CTBS: variants seen among roughly 807,000 people sequenced by gnomAD.
CTBS encodes chitobiase.
A neutral mutation model predicts 44.3 loss-of-function variants in CTBS; 35 were observed. That is an observed-to-expected ratio of 0.79 (90% CI 0.60 to 1.05). CTBS has a LOEUF of 1.05. CTBS is among the 50% of genes least tolerant of loss of function. The probability of loss-of-function intolerance (pLI) is 0.00; values close to 1 mark genes in which losing one functional copy is unlikely to be tolerated. For missense variants in CTBS, 458 were observed against 475.3 expected (o/e 0.96, Z 0.34); for synonymous variants, 143 against 168.0 (o/e 0.85, Z 1.15).
At chr1:84,563,931 G>C in intron 4 of CTBS, 99 bp from the exon 5 acceptor site, 1 of 1,331,832 alleles carries the variant, frequency 7.5e-7, no homozygotes, top group Non-Finnish European at 9.8e-7. Flanking sequence ...GTAAAAACAA[G>C]TACATTTATA....
chr1:84,565,608 A>T (rs1417156526), intron 4 of CTBS, among the ~76,000 whole-genome samples: 1 of 152,208 alleles, frequency 6.6e-6, no homozygotes, highest in Non-Finnish European at 1.5e-5. Context: ...TTTTTATCTC[A>T]TCTAGAAATA....
rs1391365748 is a variant in CTBS, at chr1:84,551,902, T to C, written c.*3097A>G. 6.6e-6 allele frequency: 1 copy of C among 152,174 alleles called. No individual in the cohort carries two copies. The highest frequency in any genetic ancestry group is 2.4e-5 in the African/African-American group (1 of 41,446). 9.4% of individuals were successfully genotyped at this position (152,174 alleles called of 1,614,324 possible). Reference sequence around the variant, plus strand: ...GATTATGACTCCCCTCATGCTGTTTTCTTCTGGAAAGCATGCACATTACTT... The same window carrying C: ...GATTATGACTCCCCTCATGCTGTTTCCTTCTGGAAAGCATGCACATTACTT... On this transcript the variant is annotated 3_prime_UTR_variant, in exon 7 of 7. Coordinates refer to ENST00000370630, the MANE Select transcript of CTBS (RefSeq NM_004388.3).
In CTBS at chr1:84,565,845, T is replaced by C. The variant is rs1285120454; in HGVS notation, c.693A>G (p.Leu231=). Residue 231 remains leucine (L), a synonymous_variant, in exon 4 of 7, where the codon TTA becomes TTG. Coordinates refer to ENST00000370630, the MANE Select transcript of CTBS (RefSeq NM_004388.3). ...TGACCATGTTTAGAGTCTTACCAGT[T>C]AATGTCTGATTATAGGGAGCATTGG... The part of the protein sequence containing the change: ...AAANAPYNQT[L]TGYNDYIKMS... The C allele has an allele frequency of 1.5e-5, 23 of 1,525,838 alleles. No homozygotes were observed. In the East Asian group the frequency reaches 5.9e-4, roughly 39 times the overall value. 94.5% of individuals were successfully genotyped at this position (1,525,838 alleles called of 1,614,324 possible).
At chr1:84,565,256 T>A (rs988316064) in intron 4 of CTBS, among the ~76,000 whole-genome samples, 1 of 151,666 alleles carries the variant, frequency 6.6e-6, no homozygotes, top group African/African-American at 2.4e-5. Flanking sequence ...TTTAGTTGAC[T>A]GATGGAATAC....
chr1:84,553,247 T>C lies in CTBS; in HGVS notation c.*1752A>G, dbSNP rs888179396. ...GCACAAGGTTTCTCTTTCTCCACTT[T>C]CCATGTGGGTATTACAAAATGTTTC... On this transcript the variant is annotated 3_prime_UTR_variant, in exon 7 of 7. Transcript: ENST00000370630. 7.1e-6 allele frequency: 4 copies of C among 563,242 alleles called. No individual in the cohort carries two copies. The African/African-American group carries it at 7.8e-5, about 11-fold the overall frequency. The allele number at this position is 563,242 out of a possible 1,614,324, so 34.9% of individuals were successfully genotyped here.
chr1:84,568,446 T>A (rs1366571686), intron 3 of CTBS, among the ~76,000 whole-genome samples: 5 of 152,216 alleles, frequency 3.3e-5, no homozygotes, highest in Admixed American at 6.5e-5. Context: ...CCTATTTGCA[T>A]AAAACCACAG....
intron 3 of CTBS, 50 bp from the exon 4 acceptor site, chr1:84,566,062 T>C: frequency 1.7e-6 from 2 of 1,168,064 alleles, no homozygotes. Context: ...CGTGTGCATA[T>C]TACGTCAGAT....
At chr1:84,572,540 A>G (rs1647343563) in intron 1 of CTBS, among the ~76,000 whole-genome samples, 1 of 152,150 alleles carries the variant, frequency 6.6e-6, no homozygotes, top group Non-Finnish European at 1.5e-5. Flanking sequence ...AGTAGAGAAA[A>G]AGACCATTTA....
chr1:84,550,305 T>C lies in CTBS; in HGVS notation c.*4694A>G. 1 of 455,426 alleles carries C rather than the reference T, an allele frequency of 2.2e-6. No individual in the cohort carries two copies. Among genetic ancestry groups the C allele is most frequent in the Admixed American group, 4.4e-5 (1 of 22,650 alleles). The allele number at this position is 455,426 out of a possible 1,614,324, so 28.2% of individuals were successfully genotyped here. ...TTCTCCAAAGCAATTTAGTTTACTTTACGGAATAGGTTATTTTCATGATTT... is the reference window on the plus strand; with the variant it reads ...TTCTCCAAAGCAATTTAGTTTACTTCACGGAATAGGTTATTTTCATGATTT... On this transcript the variant is annotated 3_prime_UTR_variant, in exon 7 of 7. Transcript: ENST00000370630.
At position 84,563,402 on chromosome 1, in the gene CTBS, A is replaced by G. The variant is rs143993403; in HGVS notation, c.812T>C (p.Ile271Thr). Residue 271 changes from isoleucine to threonine, a missense_variant, in exon 6 of 7, where the codon ATT becomes ACT. Physicochemically the swap from Ile to Thr is moderately conservative, Grantham distance 89. Transcript: ENST00000370630. ...AGCCCCCCGGAAAGGGACTTTTGCA[A>G]TGGTACAAACATGATCCTAGAAATG... ...LNLSEDHVCTIAKVPFRGAPC... is the reference protein window; with the variant it reads ...LNLSEDHVCTTAKVPFRGAPC... The G allele has an allele frequency of 3.5e-3, 5,435 of 1,571,834 alleles. 24 individuals carry two copies. Among genetic ancestry groups the G allele is most frequent in the Non-Finnish European group, 3.0e-3 (3,439 of 1,162,002 alleles).
At position 84,552,197 on chromosome 1, in the gene CTBS, A is replaced by C. The variant is rs1684294280; in HGVS notation, c.*2802T>G. On this transcript the variant is annotated 3_prime_UTR_variant, in exon 7 of 7. Transcript: ENST00000370630. The stretch of plus-strand genomic sequence containing the variant: ...AGATTCAGAACTAAGGGACAAAAAA[A>C]ACCCAGCCTGAGTCTCTTGCAACCA... 1 of 152,188 alleles carries C rather than the reference A, an allele frequency of 6.6e-6. No homozygotes were observed. Among genetic ancestry groups the C allele is most frequent in the Admixed American group, 6.5e-5 (1 of 15,272 alleles). 9.4% of individuals were successfully genotyped at this position (152,188 alleles called of 1,614,324 possible). A position where few individuals can be genotyped will look rare whatever the true frequency, so the allele number is the denominator to read the frequency against.
intron 3 of CTBS, among the ~76,000 whole-genome samples, chr1:84,567,557 C>G (rs1684723098): frequency 1.3e-5 from 2 of 152,150 alleles, no homozygotes; most frequent in Non-Finnish European, 1.5e-5. Context: ...TTTTTCCCAT[C>G]TATAAAAATG....
In CTBS at chr1:84,574,383, G is replaced by A. The variant is rs746560768; in HGVS notation, c.33C>T (p.Leu11=). The part of the protein sequence containing the change: MSRPQLRRWR[L]VSSPPSGVPG... ...GGACGCCGCTCGGCGGGCTAGAGAC[G>A]AGGCGCCAGCGTCGAAGCTGCGGCC... Residue 11 remains leucine (L), a synonymous_variant, in exon 1 of 7, where the codon CTC becomes CTT. Coordinates refer to ENST00000370630, the MANE Select transcript of CTBS (RefSeq NM_004388.3). 4.6e-5 allele frequency: 72 copies of A among 1,562,844 alleles called. No homozygotes were observed. The highest frequency in any genetic ancestry group is 4.0e-4 in the Middle Eastern group (2 of 4,986).
intron 6 of CTBS, among the ~76,000 whole-genome samples, chr1:84,556,606 C>T (rs931238670): frequency 2.7e-5 from 4 of 150,006 alleles, no homozygotes; most frequent in Admixed American, 2.0e-4. Flanking sequence ...CAGCTACTCT[C>T]GAGGCTGAGG....
rs926151224 is a variant in CTBS, at chr1:84,565,880, T to C, written c.658A>G (p.Ile220Val). ...DEQSQIWSEC[I>V]AAANAPYNQT... ...TTATAGGGAGCATTGGCTGCTGCAA[T>C]ACATTCTGACCAGATCTGACTTTGT... is the stretch of plus-strand genomic sequence containing the variant. The change falls in exon 4 of 7, where the codon ATT becomes GTT. Residue 220 changes from isoleucine (I) to valine (V), a missense_variant. Ile to Val is a conservative substitution (Grantham distance 29). Transcript: ENST00000370630. The C allele has an allele frequency of 3.2e-6, 5 of 1,577,848 alleles. No homozygotes were observed. Among genetic ancestry groups the C allele is most frequent in the Non-Finnish European group, 4.3e-6 (5 of 1,164,614 alleles).
Position 84,551,182 on chromosome 1 carries a change from C to T in CTBS, c.*3817G>A. 2 of 985,162 alleles carry T rather than the reference C, an allele frequency of 2.0e-6. No homozygotes were observed. Among genetic ancestry groups the T allele is most frequent in the African/African-American group, 1.7e-5 (1 of 57,302 alleles). The allele number at this position is 985,162 out of a possible 1,614,324, so 61.0% of individuals were successfully genotyped here. A position where few individuals can be genotyped will look rare whatever the true frequency, so the allele number is the denominator to read the frequency against. On this transcript the variant is annotated 3_prime_UTR_variant, in exon 7 of 7. Coordinates refer to ENST00000370630, the MANE Select transcript of CTBS (RefSeq NM_004388.3). ...GTTGAACAGAAAACAGAAGATTATA[C>T]ATTTTCATACAAGTACCCACAGCAA...
chr1:84,562,056 C>A (rs1439613997), intron 6 of CTBS, among the ~76,000 whole-genome samples: 1 of 152,122 alleles, frequency 6.6e-6, no homozygotes, highest in Non-Finnish European at 1.5e-5. Flanking sequence ...GAAACAGTTT[C>A]TAAGAACTGC....
At chr1:84,570,545 C>A in intron 2 of CTBS, 37 bp downstream of exon 2, 2 of 1,555,036 alleles carry the variant, frequency 1.3e-6, no homozygotes, top group Non-Finnish European at 8.7e-7. Context: ...AGATAAATTT[C>A]CCAATTGCTG....
At chr1:84,572,153 A>AGGGG (rs749762192) in intron 1 of CTBS, among the ~76,000 whole-genome samples, 1 of 152,162 alleles carries the variant, frequency 6.6e-6, no homozygotes, top group Non-Finnish European at 1.5e-5. Flanking sequence ...GGTCCTTGTG[A>AGGGG]GGGGAATGAA....
Sources: allele counts gnomAD v4.1 joint callset (sites outside exome capture counted in the v4.1 genomes callset), GRCh38; gene constraint gnomAD v4.1.1; transcripts MANE v1.5; gene names NCBI Gene and HGNC (gene_info 2026-07-23, HGNC 2026-07-21).